Variants in KIAA0825 observed in about 807,000 individuals in gnomAD.
KIAA0825 encodes the protein uncharacterized protein KIAA0825.
In KIAA0825, 119 loss-of-function variants were observed where a neutral mutation model predicts 147.6. The ratio of observed to expected loss-of-function variants is 0.81; its 90% CI spans 0.69 to 0.94. The LOEUF is 0.94. Ranked by LOEUF, KIAA0825 falls within the 40% of genes least tolerant of loss-of-function variation. KIAA0825 has a pLI of 0.00. For missense variants in KIAA0825, 1,381 were observed against 1,472.7 expected (o/e 0.94, Z 1.02); for synonymous variants, 470 against 518.1 (o/e 0.91, Z 1.26).
intron 2 of KIAA0825, among the ~76,000 whole-genome samples, chr5:94,544,193 C>T (rs1773891066): frequency 6.6e-6 from 1 of 152,138 alleles, no homozygotes; most frequent in Admixed American, 6.5e-5. Flanking sequence ...TTGTTCTTTC[C>T]CATGCCTTGG....
At chr5:94,238,389 C>T (rs1055191661) in intron 20 of KIAA0825, among the ~76,000 whole-genome samples, 2 of 152,184 alleles carry the variant, frequency 1.3e-5, no homozygotes, top group Non-Finnish European at 2.9e-5. Flanking sequence ...CAGTTTTATA[C>T]ATCTGAGCTT....
rs543410033 is a variant in KIAA0825 at position 94,368,630 on chromosome 5, T to C, written c.3710+15738A>G. 2.2e-4 allele frequency among the ~76,000 whole-genome samples: 33 copies of C among 152,174 alleles called. 1 individual carries two copies. In the South Asian group the frequency reaches 6.6e-3, roughly 31 times the overall value. ...ACTGAATTTTGAGAGTGGAGGCATA[T>C]GGGAACAAAAAGAAACGGGTGTGAG... On this transcript the variant is annotated intron_variant, in intron 20 of 20. Coordinates refer to ENST00000682413, the MANE Select transcript of KIAA0825 (RefSeq NM_001145678.3).
intron 2 of KIAA0825, among the ~76,000 whole-genome samples, chr5:94,559,593 C>T (rs1777186695): frequency 1.3e-5 from 2 of 152,152 alleles, no homozygotes; most frequent in South Asian, 4.1e-4. Flanking sequence ...TCCCATTTCC[C>T]TGGAGTCTGT....
rs1583982133 is a variant in KIAA0825 at position 94,262,359 on chromosome 5, G to T, written c.3711-108235C>A. ...GCATAGCCTCTTTGAAAGGAAATTT[G>T]GAATACATGATAAAATTTAAACATT... On this transcript the variant is annotated intron_variant, in intron 20 of 20. Coordinates refer to ENST00000682413, the MANE Select transcript of KIAA0825 (RefSeq NM_001145678.3). Among the ~76,000 whole-genome samples, 4 of 151,842 alleles carry T rather than the reference G, an allele frequency of 2.6e-5. No individual in the cohort carries two copies. The South Asian group carries it at 8.3e-4, about 32-fold the overall frequency.
Position 94,326,273 on chromosome 5 carries a change from T to G in KIAA0825, c.3710+58095A>C, listed in dbSNP as rs149664199. On this transcript the variant is annotated intron_variant, in intron 20 of 20. Coordinates refer to ENST00000682413, the MANE Select transcript of KIAA0825 (RefSeq NM_001145678.3). ...TGCCAATTTATGCATACAGTTTGGCTCGGCAGAAATTCACTCAGCAGCATT... is the reference window on the plus strand; with the variant it reads ...TGCCAATTTATGCATACAGTTTGGCGCGGCAGAAATTCACTCAGCAGCATT... Among the ~76,000 whole-genome samples, 159 of 152,278 alleles carry G rather than the reference T, an allele frequency of 1.0e-3. 2 individuals carry two copies. Among genetic ancestry groups the G allele is most frequent in the African/African-American group, 3.6e-3 (148 of 41,574 alleles).
intron 15 of KIAA0825, 182 bp downstream of exon 15, chr5:94,417,019 A>C: frequency 1.9e-6 from 1 of 522,910 alleles, no homozygotes; most frequent in Non-Finnish European, 3.3e-6. Flanking sequence ...AGTATATGAA[A>C]TTTTACAGGA....
At chr5:94,387,577 C>A (rs1057245484) in intron 18 of KIAA0825, among the ~76,000 whole-genome samples, 7 of 152,058 alleles carry the variant, frequency 4.6e-5, no homozygotes, top group Non-Finnish European at 1.0e-4. Context: ...CACCTGTAAT[C>A]CCAGCTACTT....
In KIAA0825 at chr5:94,462,574, T is replaced by C. The variant is rs1300188932; in HGVS notation, c.2064-5A>G. On this transcript the variant is annotated splice_polypyrimidine_tract_variant and splice_region_variant and intron_variant, in intron 11 of 20. Coordinates refer to ENST00000682413, the MANE Select transcript of KIAA0825 (RefSeq NM_001145678.3). ...AAAATTGTTGTGACATCAAGTCTGTTGGAAAGAAAGAAAAGAAAATCATGT... is the reference window on the plus strand; with the variant it reads ...AAAATTGTTGTGACATCAAGTCTGTCGGAAAGAAAGAAAAGAAAATCATGT... The C allele has an allele frequency of 6.8e-7, 1 of 1,477,026 alleles. No homozygotes were observed. The highest frequency in any genetic ancestry group is 9.0e-7 in the Non-Finnish European group (1 of 1,112,984). The allele number at this position is 1,477,026 out of a possible 1,614,324, so 91.5% of individuals were successfully genotyped here.
At chr5:94,431,862 T>C (rs1361513864) in intron 14 of KIAA0825, among the ~76,000 whole-genome samples, 1 of 152,160 alleles carries the variant, frequency 6.6e-6, no homozygotes, top group Non-Finnish European at 1.5e-5. Flanking sequence ...GAGCATACTA[T>C]GCTGGGGGTG....
chr5:94,326,991 A>C (rs569280903), intron 20 of KIAA0825, among the ~76,000 whole-genome samples: 1 of 152,312 alleles, frequency 6.6e-6, no homozygotes, highest in Admixed American at 6.5e-5. Flanking sequence ...GACCCTGATC[A>C]CATGTTCCCA....
intron 14 of KIAA0825, 107 bp downstream of exon 14, chr5:94,439,875 C>T: frequency 8.8e-7 from 1 of 1,139,294 alleles, no homozygotes; most frequent in Non-Finnish European, 1.2e-6. Context: ...TTGATACATG[C>T]TATTGGTTTA....
At chr5:94,407,997 A>G (rs1041016508) in intron 15 of KIAA0825, among the ~76,000 whole-genome samples, 1 of 152,244 alleles carries the variant, frequency 6.6e-6, no homozygotes, top group Non-Finnish European at 1.5e-5. Flanking sequence ...GCCGTATGAC[A>G]GATGATCTTT....
chr5:94,265,553 C>T (rs570060541), intron 20 of KIAA0825, among the ~76,000 whole-genome samples: 1 of 152,272 alleles, frequency 6.6e-6, no homozygotes, highest in Middle Eastern at 3.4e-3. Context: ...AATCCCAACA[C>T]TTTGGGAGGC....
At chr5:94,488,932 C>G (rs2151065069) in intron 5 of KIAA0825, among the ~76,000 whole-genome samples, 1 of 152,284 alleles carries the variant, frequency 6.6e-6, no homozygotes, top group East Asian at 1.9e-4. Flanking sequence ...ACCAGTTTAT[C>G]AACACAGATC....
At chr5:94,342,447 T>C (rs1782523071) in intron 20 of KIAA0825, among the ~76,000 whole-genome samples, 1 of 152,208 alleles carries the variant, frequency 6.6e-6, no homozygotes, top group Non-Finnish European at 1.5e-5. Flanking sequence ...TGGAAGTCAG[T>C]ATCAAAATAT....
At chr5:94,292,050 T>C (rs930057632) in intron 20 of KIAA0825, among the ~76,000 whole-genome samples, 3 of 151,794 alleles carry the variant, frequency 2.0e-5, no homozygotes, top group Non-Finnish European at 2.9e-5. Flanking sequence ...AATCATGTCA[T>C]CCGCAGAGAC....
intron 20 of KIAA0825, among the ~76,000 whole-genome samples, chr5:94,202,650 GC>G (rs1457379819): frequency 6.6e-6 from 1 of 152,176 alleles, no homozygotes; most frequent in Non-Finnish European, 1.5e-5. Context: ...TGGGGCTGGT[GC>G]CATCTTATGT....
chr5:94,479,566 G>A (rs889560259), intron 6 of KIAA0825, among the ~76,000 whole-genome samples: 12 of 152,080 alleles, frequency 7.9e-5, no homozygotes, highest in Non-Finnish European at 1.3e-4. Flanking sequence ...ACATTCCTGT[G>A]CAGGTTTTTG....
Position 94,183,017 on chromosome 5 carries a change from G to T in KIAA0825, c.3711-28893C>A, listed in dbSNP as rs367843921. Among the ~76,000 whole-genome samples the T allele has an allele frequency of 3.9e-5, 6 of 152,284 alleles. 1 individual carries two copies. The highest frequency in any genetic ancestry group is 1.9e-4 in the East Asian group (1 of 5,182). On this transcript the variant is annotated intron_variant, in intron 20 of 20. Coordinates refer to ENST00000682413, the MANE Select transcript of KIAA0825 (RefSeq NM_001145678.3). ...GTTGTGTATATCTTAGCACAGAAGAGCAAGGAAGAGAGTTTGTGGGTTTTG... is the reference window on the plus strand; with the variant it reads ...GTTGTGTATATCTTAGCACAGAAGATCAAGGAAGAGAGTTTGTGGGTTTTG...
Sources: gnomAD v4.1 joint callset for allele counts (sites outside exome capture counted in the v4.1 genomes callset) on GRCh38, gnomAD v4.1.1 for gene constraint, MANE v1.5 for transcripts, NCBI Gene and HGNC (gene_info 2026-07-23, HGNC 2026-07-21) for gene names.